Variants in FCGR2B observed in about 807,000 individuals in gnomAD.
FCGR2B encodes Fc gamma receptor IIb.
In FCGR2B, 18 loss-of-function variants were observed where a neutral mutation model predicts 24.8. The observed-to-expected ratio is 0.73, with a 90% CI of 0.50 to 1.08. The LOEUF is 1.08. Ranked by LOEUF, FCGR2B falls within the 50% of genes least tolerant of loss-of-function variation. The pLI is 0.00. For missense variants in FCGR2B, 215 were observed against 297.6 expected, an observed-to-expected ratio of 0.72 and a Z score of 2.04; for synonymous variants, 79 against 109.8, an observed-to-expected ratio of 0.72 and a Z score of 1.75.
At chr1:161,672,659 A>C (rs1681773410) in intron 3 of FCGR2B, 1 of 451,146 alleles carries the variant, frequency 2.2e-6, no homozygotes, top group South Asian at 2.7e-5. Context: ...CCTGTCGGGC[A>C]GGAAAAGGCT....
At position 161,672,888 on chromosome 1, in the gene FCGR2B, A is replaced by G; in HGVS notation, c.392-87A>G. 3.2e-6 allele frequency: 5 copies of G among 1,566,576 alleles called. No individual in the cohort carries two copies. In the South Asian group the frequency reaches 6.0e-5, roughly 19 times the overall value. On this transcript the variant is annotated intron_variant, in intron 3 of 7. Coordinates refer to ENST00000358671, the MANE Select transcript of FCGR2B (RefSeq NM_001394477.1). ...TTCAGACCTAAGCTGTTCCCTCTGC[A>G]CATCGTGTCCCACCAGTAAGGAAGA... is the stretch of plus-strand genomic sequence containing the variant.
At chr1:161,668,819 C>A (rs1681438759) in intron 1 of FCGR2B, among the ~76,000 whole-genome samples, 1 of 104,910 alleles carries the variant, frequency 9.5e-6, no homozygotes, top group African/African-American at 3.3e-5. Context: ...CCACATTGCT[C>A]CCTTTTTACC....
In FCGR2B at chr1:161,675,301, C is replaced by T. The variant is rs267598138; in HGVS notation, c.805C>T (p.Pro269Ser). Reference protein sequence around the residue: ...PECREMGETLPEKPANPTNPD... With the variant: ...PECREMGETLSEKPANPTNPD... ...GTGCAGGGAAATGGGAGAGACCCTC[C>T]CTGAGAAACCAGGTGAGTACAGGTT... Residue 269 changes from proline to serine, a missense_variant, in exon 6 of 8, where the codon CCT (proline) becomes TCT (serine). Physicochemically the swap from Pro to Ser is moderately conservative, Grantham distance 74. This residue lies in a region of FCGR2B where 81 missense variants were observed against 81.6 expected (regional missense o/e 0.99). Transcript: ENST00000358671. 2.5e-6 allele frequency: 4 copies of T among 1,601,770 alleles called. No homozygotes were observed. Among genetic ancestry groups the T allele is most frequent in the Non-Finnish European group, 3.4e-6 (4 of 1,174,124 alleles).
At chr1:161,652,043 GGAGT>G in the FCGR2B span, among the ~76,000 whole-genome samples, 1 of 80,892 alleles carries the variant, frequency 1.2e-5, no homozygotes, top group Admixed American at 1.6e-4. Flanking sequence ...GATATGTTTA[GGAGT>G]GTGTGTGTGT....
At chr1:161,661,165 AGAAAGAAGGAAG>A (rs1456753955), upstream of FCGR2B, among the ~76,000 whole-genome samples, 2 of 127,100 alleles carry the variant, frequency 1.6e-5, no homozygotes, top group Non-Finnish European at 3.3e-5. Context: ...GAAGAAAGAA[AGAAAGAAGGAAG>A]GAAGGAAGAA....
rs749502491 is a variant in FCGR2B at position 161,677,514 on chromosome 1, G to A, written c.894G>A (p.Pro298=). ...NTITYSLLMH[P]DALEEPDDQN... ...TCACCTATTCACTTCTCATGCACCC[G>A]GATGCTCTGGAAGAGCCTGATGACC... Residue 298 remains proline (P), a synonymous_variant, in exon 8 of 8, where the codon CCG becomes CCA. Coordinates refer to ENST00000358671, the MANE Select transcript of FCGR2B (RefSeq NM_001394477.1). 3.8e-5 allele frequency: 61 copies of A among 1,613,850 alleles called. No homozygotes were observed. The highest frequency in any genetic ancestry group is 8.9e-5 in the East Asian group (4 of 44,886).
chr1:161,675,083 C>A, intron 5 of FCGR2B, 174 bp from the exon 6 acceptor site: 1 of 556,866 alleles, frequency 1.8e-6, no homozygotes. Flanking sequence ...TCTGGACCAG[C>A]CCTTTTCCAG....
chr1:161,647,736 C>T, the FCGR2B span, among the ~76,000 whole-genome samples: 2 of 151,006 alleles, frequency 1.3e-5, no homozygotes, highest in African/African-American at 4.9e-5. Context: ...ATATTGTCCA[C>T]TTTTGTTTCA....
the FCGR2B span, among the ~76,000 whole-genome samples, chr1:161,656,358 C>T: frequency 7.8e-6 from 1 of 128,358 alleles, no homozygotes; most frequent in Non-Finnish European, 1.8e-5. Flanking sequence ...CTAGCAGAGT[C>T]AACATTGGGT....
chr1:161,673,545 T>A lies in FCGR2B; in HGVS notation c.646+316T>A, dbSNP rs750217680. The A allele has an allele frequency of 9.9e-5, 72 of 724,432 alleles. No homozygotes were observed. In the African/African-American group the frequency reaches 1.1e-3, roughly 11 times the overall value. 44.9% of individuals were successfully genotyped at this position (724,432 alleles called of 1,614,324 possible). A position where few individuals can be genotyped will look rare whatever the true frequency, so the allele number is the denominator to read the frequency against. On this transcript the variant is annotated intron_variant, in intron 4 of 7. Coordinates refer to ENST00000358671, the MANE Select transcript of FCGR2B (RefSeq NM_001394477.1). ...TAAGCTCCTGGGCATTCCTAAGAACTGAGGTTTGCCTTTATTCTTCTCATG... is the reference window on the plus strand; with the variant it reads ...TAAGCTCCTGGGCATTCCTAAGAACAGAGGTTTGCCTTTATTCTTCTCATG...
At chr1:161,673,596 G>C in intron 4 of FCGR2B, 1 of 671,350 alleles carries the variant, frequency 1.5e-6, no homozygotes, top group Non-Finnish European at 2.7e-6. Context: ...ATTCACTCCA[G>C]AAAGCCTGGC....
chr1:161,654,900 GT>G, the FCGR2B span, among the ~76,000 whole-genome samples: 8 of 124,470 alleles, frequency 6.4e-5, 2 homozygotes, highest in Non-Finnish European at 1.4e-4. Context: ...ATTAATACAG[GT>G]TTTTTTGGGG....
At chr1:161,676,710 A>AC (rs3835613) in intron 6 of FCGR2B, 45,232 of 153,236 alleles carry the variant, frequency 0.3, 7,150 homozygotes, top group African/African-American at 0.4. Context: ...CTTTGCAGAT[A>AC]TGGGGCTGCT....
In FCGR2B at chr1:161,675,393, G is replaced by A. The variant is rs1412375524; in HGVS notation, c.817+80G>A. On this transcript the variant is annotated intron_variant, in intron 6 of 7. Transcript: ENST00000358671. ...GACTGGAGCCAGGGAGAAGGGGCTT[G>A]TGCAAGTTCAGCTGGGAGCCAGGGA... is the stretch of plus-strand genomic sequence containing the variant. 1.3e-5 allele frequency: 14 copies of A among 1,042,408 alleles called. No individual in the cohort carries two copies. In the Middle Eastern group the frequency reaches 1.6e-3, roughly 122 times the overall value. 64.6% of individuals were successfully genotyped at this position (1,042,408 alleles called of 1,614,324 possible). A position where few individuals can be genotyped will look rare whatever the true frequency, so the allele number is the denominator to read the frequency against.
chr1:161,676,741 T>A (rs1172004237), intron 6 of FCGR2B: 1 of 158,796 alleles, frequency 6.3e-6, no homozygotes, highest in Non-Finnish European at 1.4e-5. Flanking sequence ...GCTAAGTCAG[T>A]TCATGGCAAA....
chr1:161,677,297 C>A (rs368937078), intron 6 of FCGR2B, 31 bp from the exon 7 acceptor site: 2 of 1,611,662 alleles, frequency 1.2e-6, no homozygotes, highest in Admixed American at 3.3e-5. Context: ...TCCAGCAGTG[C>A]TCTGGCTGAT....
At chr1:161,673,322 C>T in intron 4 of FCGR2B, 93 bp downstream of exon 4, 1 of 1,604,152 alleles carries the variant, frequency 6.2e-7, no homozygotes, top group Non-Finnish European at 8.5e-7. Flanking sequence ...TGAGAAAGGC[C>T]ACAGCGCAAA....
Position 161,676,997 on chromosome 1 carries a change from A to G in FCGR2B, c.818-331A>G, listed in dbSNP as rs939151827. The G allele has an allele frequency of 6.4e-5, 26 of 409,130 alleles. No homozygotes were observed. In the South Asian group the frequency reaches 6.6e-4, roughly 10 times the overall value. The allele number at this position is 409,130 out of a possible 1,614,324, so 25.3% of individuals were successfully genotyped here. On this transcript the variant is annotated intron_variant, in intron 6 of 7. Transcript: ENST00000358671. ...ACTTTACTTCACTCTGATGCTGAAC[A>G]CCCCCCTCCCCCACCTCTTCCCCAA...
chr1:161,676,626 C>G (rs773308297), intron 6 of FCGR2B: 20 of 154,916 alleles, frequency 1.3e-4, no homozygotes, highest in Non-Finnish European at 5.7e-5. Flanking sequence ...AATAAAGGCT[C>G]TCTATGTTCA....
Sources: gnomAD v4.1 joint callset for allele counts (sites outside exome capture counted in the v4.1 genomes callset) on GRCh38, gnomAD v4.1.1 for gene constraint, gnomAD v4.1.1 regional missense constraint, MANE v1.5 for transcripts, NCBI Gene and HGNC (gene_info 2026-07-23, HGNC 2026-07-21) for gene names.